The following SLC4A5 variants were observed in gnomAD, a reference collection of about 807,000 sequenced individuals.
The protein encoded by SLC4A5 is solute carrier family 4 member 5.
In SLC4A5, 96 loss-of-function variants were observed where a neutral mutation model predicts 120.4. The observed-to-expected ratio is 0.80, with a 90% confidence interval of 0.68 to 0.94. The LOEUF (loss-of-function observed/expected upper bound fraction) is 0.94. Ranked by LOEUF, SLC4A5 falls within the 40% of genes least tolerant of loss-of-function variation. The pLI is 0.00. For synonymous variants in SLC4A5, 550 were observed against 571.1 expected, an observed-to-expected ratio of 0.96 and a Z score of 0.53; for missense variants, 1,259 against 1,459.5, an observed-to-expected ratio of 0.86 and a Z score of 2.24.
chr2:74,312,243 ATGTGTGTGTGTG>A (rs111417670), intron 6 of SLC4A5, among the ~76,000 whole-genome samples: 1 of 139,352 alleles, frequency 7.2e-6, no homozygotes, highest in African/African-American at 2.6e-5. Flanking sequence ...GTGTGTGTAT[ATGTGTGTGTGTG>A]TGTGTGTGTG....
At position 74,252,988 on chromosome 2, in the gene SLC4A5, G is replaced by A. The variant is rs377744066; in HGVS notation, c.1254C>T (p.Pro418=). ...CTCATACACACCTCTTGTCAGCAGAGGGCACCTTCTTGGGGGGCTCAATCC... is the reference window on the plus strand; with the variant it reads ...CTCATACACACCTCTTGTCAGCAGAAGGCACCTTCTTGGGGGGCTCAATCC... The change falls in exon 15 of 31, where the codon CCC becomes CCT. Residue 418 remains proline (P), a synonymous_variant. Transcript: ENST00000394019. 6 of 1,614,050 alleles carry A rather than the reference G, an allele frequency of 3.7e-6. No homozygotes were observed. The African/African-American group carries it at 4.0e-5, about 11-fold the overall frequency.
intron 7 of SLC4A5, among the ~76,000 whole-genome samples, chr2:74,294,832 C>T (rs1456786527): frequency 2.0e-5 from 3 of 151,898 alleles, no homozygotes; most frequent in Admixed American, 6.6e-5. Context: ...CCACCACGCC[C>T]GGCTAATTTT....
intron 12 of SLC4A5, among the ~76,000 whole-genome samples, chr2:74,257,926 T>C (rs1278043825): frequency 6.6e-6 from 1 of 151,956 alleles, no homozygotes; most frequent in African/African-American, 2.4e-5. Context: ...AACCAGGGAG[T>C]TGGTCCTTCC....
chr2:74,271,627 C>T (rs1671477828), intron 8 of SLC4A5, among the ~76,000 whole-genome samples: 1 of 151,760 alleles, frequency 6.6e-6, no homozygotes, highest in Non-Finnish European at 1.5e-5. Flanking sequence ...AAGACAGGTG[C>T]CATTTCTTCC....
chr2:74,337,850 GC>G (rs1558920646), intron 3 of SLC4A5, among the ~76,000 whole-genome samples: 2 of 152,176 alleles, frequency 1.3e-5, no homozygotes, highest in Non-Finnish European at 2.9e-5. Context: ...CCCATTTTGA[GC>G]AGTAAATTAT....
intron 21 of SLC4A5, among the ~76,000 whole-genome samples, chr2:74,237,617 G>C (rs566341652): frequency 6.6e-6 from 1 of 152,144 alleles, no homozygotes; most frequent in Non-Finnish European, 1.5e-5. Context: ...ATTATGATTA[G>C]TAGCAGTAGC....
At chr2:74,308,071 T>A (rs773312923) in intron 6 of SLC4A5, 1 of 479,986 alleles carries the variant, frequency 2.1e-6, no homozygotes, top group Non-Finnish European at 4.1e-6. Context: ...CATTTCTTTC[T>A]ATCTCTGAAC....
chr2:74,220,054 A>G (rs1694574731), intron 30 of SLC4A5, among the ~76,000 whole-genome samples: 1 of 152,220 alleles, frequency 6.6e-6, no homozygotes, highest in South Asian at 2.1e-4. Flanking sequence ...GATCTTCTAG[A>G]CTTGGGATAG....
At chr2:74,318,973 T>C (rs929165944) in intron 5 of SLC4A5, among the ~76,000 whole-genome samples, 21 of 152,210 alleles carry the variant, frequency 1.4e-4, no homozygotes, top group Non-Finnish European at 2.4e-4. Context: ...AATGGAGGAT[T>C]GGATAAGGAA....
At chr2:74,227,481 C>A in intron 26 of SLC4A5, 1 of 1,596,794 alleles carries the variant, frequency 6.3e-7, no homozygotes, top group Non-Finnish European at 8.5e-7. Flanking sequence ...GCATAGCTGC[C>A]TTAGGGAAGA....
chr2:74,303,943 G>A (rs1276777183), intron 7 of SLC4A5, among the ~76,000 whole-genome samples: 5 of 150,274 alleles, frequency 3.3e-5, no homozygotes, highest in African/African-American at 1.2e-4. Flanking sequence ...TCCGCCTCCC[G>A]GGTTCACGCC....
rs549286065 is a variant in SLC4A5 at position 74,224,828 on chromosome 2, C to A, written c.3246+12G>T. The stretch of plus-strand genomic sequence containing the variant: ...ATTTCTCCTCTGTGCCCCGGCCTCA[C>A]ATCTTCCCCACCTCCTCATCACAGT... On this transcript the variant is annotated intron_variant, in intron 28 of 30. Coordinates refer to ENST00000394019, the Ensembl canonical transcript of SLC4A5. 6.2e-7 allele frequency: 1 copy of A among 1,603,094 alleles called. No homozygotes were observed. The highest frequency in any genetic ancestry group is 8.5e-7 in the Non-Finnish European group (1 of 1,177,518).
intron 29 of SLC4A5, among the ~76,000 whole-genome samples, chr2:74,221,813 GCTACC>G (rs1356368579): frequency 2.0e-5 from 3 of 152,036 alleles, no homozygotes; most frequent in Non-Finnish European, 4.4e-5. Flanking sequence ...GGATGCCCTG[GCTACC>G]CACCCCTAAT....
At chr2:74,270,628 A>G (rs1184993218) in intron 8 of SLC4A5, among the ~76,000 whole-genome samples, 1 of 152,166 alleles carries the variant, frequency 6.6e-6, no homozygotes, top group Non-Finnish European at 1.5e-5. Flanking sequence ...AGCAGAGATC[A>G]TGCCACTGCA....
intron 8 of SLC4A5, 104 bp downstream of exon 8, chr2:74,285,669 G>C (rs1671958665): frequency 7.1e-7 from 1 of 1,403,052 alleles, no homozygotes; most frequent in Non-Finnish European, 9.7e-7. Context: ...TTGTGGACCA[G>C]GAAGCTCTCA....
intron 23 of SLC4A5, 33 bp downstream of exon 23, chr2:74,233,369 A>C (rs764533742): frequency 6.2e-6 from 10 of 1,611,368 alleles, no homozygotes; most frequent in Non-Finnish European, 8.5e-6. Context: ...GGGAAGAAAG[A>C]GGTTATGCCT....
intron 8 of SLC4A5, among the ~76,000 whole-genome samples, chr2:74,270,971 A>T (rs1235134214): frequency 1.3e-5 from 2 of 152,210 alleles, no homozygotes; most frequent in Non-Finnish European, 2.9e-5. Flanking sequence ...CAGTCATGCT[A>T]TGCTTTAGTT....
intron 13 of SLC4A5, 111 bp from the exon 14 acceptor site, chr2:74,254,817 A>AT (rs376191179): frequency 0.099 from 59,463 of 603,084 alleles, 2,321 homozygotes; most frequent in African/African-American, 0.26. Flanking sequence ...AACAGTATGC[A>AT]TTTTTTTTTT....
intron 6 of SLC4A5, among the ~76,000 whole-genome samples, chr2:74,305,378 T>C (rs1672609542): frequency 1.3e-5 from 2 of 152,092 alleles, no homozygotes; most frequent in Non-Finnish European, 2.9e-5. Context: ...TTAGGACAGT[T>C]TAAGATTTAC....
Sources: gnomAD v4.1 joint callset for allele counts (sites outside exome capture counted in the v4.1 genomes callset) on GRCh38, gnomAD v4.1.1 for gene constraint, MANE v1.5 for transcripts, NCBI Gene and HGNC (gene_info 2026-07-23, HGNC 2026-07-21) for gene names.